SNX29: variants seen among roughly 807,000 people sequenced by gnomAD.
SNX29 encodes sorting nexin-29.
Under a neutral mutation model 102.1 loss-of-function variants are expected in SNX29, and 78 were observed. The ratio of observed to expected loss-of-function variants is 0.76; its 90% confidence interval spans 0.64 to 0.92. The LOEUF (loss-of-function observed/expected upper bound fraction) is 0.92. SNX29 is among the 40% of genes least tolerant of loss of function. The pLI is 0.00. For missense variants in SNX29, 1,280 were observed against 1,061.7 expected, an observed-to-expected ratio of 1.21 and a Z score of -2.86; for synonymous variants, 580 against 414.5, an observed-to-expected ratio of 1.40 and a Z score of -4.85.
intron 20 of SNX29, among the ~76,000 whole-genome samples, chr16:12,548,455 T>C (rs1029152539): frequency 6.6e-6 from 1 of 152,192 alleles, no homozygotes; most frequent in African/African-American, 2.4e-5. Context: ...GGCATCTGTG[T>C]CTTTTGGACA....
At chr16:12,060,890 G>T (rs185067492) in intron 8 of SNX29, 2 of 455,894 alleles carry the variant, frequency 4.4e-6, no homozygotes, top group Admixed American at 2.4e-5. Flanking sequence ...TAATTGAGCC[G>T]ACTCCCTTTC....
At chr16:12,516,483 A>G (rs2089871644) in intron 19 of SNX29, among the ~76,000 whole-genome samples, 3 of 139,664 alleles carry the variant, frequency 2.1e-5, no homozygotes, top group Non-Finnish European at 3.1e-5. Context: ...CCGTCTCAGA[A>G]AAAAAAAAAA....
At chr16:12,168,193 G>A (rs1299115313) in intron 13 of SNX29, among the ~76,000 whole-genome samples, 2 of 152,214 alleles carry the variant, frequency 1.3e-5, no homozygotes, top group African/African-American at 4.8e-5. Context: ...CACAGGCAGC[G>A]AGTGCTTGCA....
At chr16:12,202,369 GA>G (rs1470291683) in intron 14 of SNX29, among the ~76,000 whole-genome samples, 1 of 152,156 alleles carries the variant, frequency 6.6e-6, no homozygotes, top group Non-Finnish European at 1.5e-5. Flanking sequence ...ATGTGGTCCA[GA>G]AGTGAGGTTG....
intron 14 of SNX29, among the ~76,000 whole-genome samples, chr16:12,202,437 T>A (rs1280224582): frequency 2.0e-5 from 3 of 152,214 alleles, no homozygotes; most frequent in Non-Finnish European, 4.4e-5. Context: ...TGCCGGAAGT[T>A]TACACTTTTA....
chr16:12,255,694 C>A (rs1309105572), intron 14 of SNX29, among the ~76,000 whole-genome samples: 1 of 152,194 alleles, frequency 6.6e-6, no homozygotes, highest in African/African-American at 2.4e-5. Flanking sequence ...TCCGTGTCAT[C>A]ACAAATGACA....
At chr16:12,504,564 C>G (rs1272362011) in intron 19 of SNX29, among the ~76,000 whole-genome samples, 1 of 152,212 alleles carries the variant, frequency 6.6e-6, no homozygotes, top group African/African-American at 2.4e-5. Context: ...TAGCATGTAT[C>G]AGTGCAGTAA....
chr16:12,293,685 C>T (rs2079879287), intron 15 of SNX29, among the ~76,000 whole-genome samples: 1 of 152,140 alleles, frequency 6.6e-6, no homozygotes. Context: ...ACATATTGAA[C>T]ATTTTTTACT....
chr16:12,087,713 T>C (rs1370080506), intron 11 of SNX29: 2 of 384,406 alleles, frequency 5.2e-6, no homozygotes, highest in African/African-American at 2.1e-5. Context: ...CAGGCATTAC[T>C]GGTCCATTGT....
At chr16:12,258,606 G>C (rs1292310505) in intron 14 of SNX29, among the ~76,000 whole-genome samples, 3 of 152,100 alleles carry the variant, frequency 2.0e-5, no homozygotes, top group Non-Finnish European at 2.9e-5. Context: ...ACTCCCCACA[G>C]GTCCCAGGGC....
intron 18 of SNX29, among the ~76,000 whole-genome samples, chr16:12,407,638 C>T (rs1378257692): frequency 2.1e-5 from 3 of 145,020 alleles, no homozygotes; most frequent in Admixed American, 1.4e-4. Context: ...ATAGCTCATT[C>T]AATCCTTGTA....
In SNX29 at chr16:11,976,771, C is replaced by T; in HGVS notation, c.-36C>T. The T allele has an allele frequency of 2.3e-6, 3 of 1,311,592 alleles. No individual in the cohort carries two copies. The highest frequency in any genetic ancestry group is 4.2e-5 in the South Asian group (2 of 47,780). 81.2% of individuals were successfully genotyped at this position (1,311,592 alleles called of 1,614,324 possible). On this transcript the variant is annotated 5_prime_UTR_variant, in exon 1 of 21. Transcript: ENST00000566228. The stretch of plus-strand genomic sequence containing the variant: ...GCAGCCGCAGAAGCGGCAGCGGCGG[C>T]GGCGCGGCGCAGGCACCGGCCCGGG...
chr16:12,417,336 G>C (rs1015139952), intron 18 of SNX29, among the ~76,000 whole-genome samples: 1 of 152,208 alleles, frequency 6.6e-6, no homozygotes, highest in African/African-American at 2.4e-5. Context: ...CATGGAAGCC[G>C]CCTCTGTCCA....
At chr16:12,378,778 T>C (rs554042643) in intron 16 of SNX29, among the ~76,000 whole-genome samples, 9 of 152,116 alleles carry the variant, frequency 5.9e-5, no homozygotes, top group Non-Finnish European at 1.2e-4. Flanking sequence ...TCTGCCTGAC[T>C]CCGTTCTCAC....
At chr16:12,434,028 C>A (rs1414967170) in intron 18 of SNX29, among the ~76,000 whole-genome samples, 1 of 152,172 alleles carries the variant, frequency 6.6e-6, no homozygotes, top group Admixed American at 6.5e-5. Context: ...CTTAAAACCT[C>A]CCATGCTTGT....
At chr16:12,199,961 G>C (rs1035622259) in intron 14 of SNX29, among the ~76,000 whole-genome samples, 2 of 152,198 alleles carry the variant, frequency 1.3e-5, no homozygotes, top group African/African-American at 4.8e-5. Context: ...TCTTGAGACA[G>C]TTGCATGGCA....
chr16:12,252,340 G>T (rs1326492230), intron 14 of SNX29, among the ~76,000 whole-genome samples: 2 of 152,162 alleles, frequency 1.3e-5, no homozygotes, highest in African/African-American at 2.4e-5. Flanking sequence ...GTCTGGTCTG[G>T]CCTCCCACCT....
chr16:12,244,205 G>T (rs1445111926), intron 14 of SNX29, among the ~76,000 whole-genome samples: 1 of 152,172 alleles, frequency 6.6e-6, no homozygotes, highest in African/African-American at 2.4e-5. Context: ...TTCCTAACAG[G>T]CCACAACCAT....
intron 20 of SNX29, among the ~76,000 whole-genome samples, chr16:12,545,946 G>A (rs1236858957): frequency 1.3e-5 from 2 of 152,146 alleles, no homozygotes; most frequent in Admixed American, 6.5e-5. Flanking sequence ...GTATTATCCT[G>A]ACAACTAAGG....
Sources: allele counts gnomAD v4.1 joint callset (sites outside exome capture counted in the v4.1 genomes callset), GRCh38; gene constraint gnomAD v4.1.1; transcripts MANE v1.5; gene names NCBI Gene and HGNC (gene_info 2026-07-23, HGNC 2026-07-21).